The following AGBL4 variants were observed in gnomAD, a reference collection of about 807,000 sequenced individuals.
AGBL4 encodes the protein cytosolic carboxypeptidase 6.
AGBL4 carries 58 observed loss-of-function variants against 66.4 expected under a neutral mutation model. The observed-to-expected ratio is 0.87, with a 90% CI of 0.71 to 1.09. AGBL4 has a LOEUF of 1.09. Ranked by LOEUF, AGBL4 falls within the 50% of genes least tolerant of loss-of-function variation. The probability of loss-of-function intolerance (pLI) is 0.00; values close to 1 mark genes in which losing one functional copy is unlikely to be tolerated. For synonymous variants in AGBL4, 234 were observed against 222.9 expected, an observed-to-expected ratio of 1.05 and a Z score of -0.44; for missense variants, 579 against 631.0, an observed-to-expected ratio of 0.92 and a Z score of 0.88.
intron 3 of AGBL4, among the ~76,000 whole-genome samples, chr1:49,592,210 GA>G (rs1245201239): frequency 1.3e-5 from 2 of 151,732 alleles, no homozygotes; most frequent in Non-Finnish European, 2.9e-5. Flanking sequence ...CTAACATCCA[GA>G]ATCTCCAAGG....
Position 49,951,912 on chromosome 1 carries a change from T to C in AGBL4, c.34+71851A>G, listed in dbSNP as rs577191913. On this transcript the variant is annotated intron_variant, in intron 1 of 13. Coordinates refer to ENST00000371839, the MANE Select transcript of AGBL4 (RefSeq NM_032785.4). ...GCTACCTTATATTGAGTAGAATGTA[T>C]ATGGAAATAAAAAGCTGAATTTCAG... 2.0e-5 allele frequency among the ~76,000 whole-genome samples: 3 copies of C among 151,782 alleles called. No individual in the cohort carries two copies. In the East Asian group the frequency reaches 5.8e-4, roughly 29 times the overall value.
chr1:49,476,631 G>T (rs912684155), intron 3 of AGBL4, among the ~76,000 whole-genome samples: 2 of 152,004 alleles, frequency 1.3e-5, no homozygotes, highest in African/African-American at 2.4e-5. Flanking sequence ...TCTTCTTGTT[G>T]AATTGAACAC....
At position 50,002,512 on chromosome 1, in the gene AGBL4, G is replaced by T. The variant is rs971087745; in HGVS notation, c.34+21251C>A. Among the ~76,000 whole-genome samples, 8 of 151,438 alleles carry T rather than the reference G, an allele frequency of 5.3e-5. No individual in the cohort carries two copies. In the East Asian group the frequency reaches 9.7e-4, roughly 18 times the overall value. ...AGCCTCCCGAGTAGCTGGGACTACAGGCGCCCGCCACCACGCCCGGCTAAT... is the reference window on the plus strand; with the variant it reads ...AGCCTCCCGAGTAGCTGGGACTACATGCGCCCGCCACCACGCCCGGCTAAT... On this transcript the variant is annotated intron_variant, in intron 1 of 13. Transcript: ENST00000371839.
chr1:49,414,679 A>G (rs1570660341), intron 3 of AGBL4, among the ~76,000 whole-genome samples: 1 of 152,158 alleles, frequency 6.6e-6, no homozygotes, highest in Non-Finnish European at 1.5e-5. Context: ...AGCCATGAAG[A>G]ATGTAGGGGG....
chr1:49,787,621 T>C (rs922019748), intron 2 of AGBL4, among the ~76,000 whole-genome samples: 1 of 152,082 alleles, frequency 6.6e-6, no homozygotes, highest in Non-Finnish European at 1.5e-5. Context: ...GATAGGTCAC[T>C]AGAAAGACTC....
intron 3 of AGBL4, among the ~76,000 whole-genome samples, chr1:49,520,357 A>G (rs1215278520): frequency 6.6e-6 from 1 of 152,096 alleles, no homozygotes; most frequent in Non-Finnish European, 1.5e-5. Flanking sequence ...GTAAAAATTA[A>G]ATACCTACAA....
chr1:49,865,502 C>G (rs1478090869), intron 1 of AGBL4, among the ~76,000 whole-genome samples: 3 of 152,090 alleles, frequency 2.0e-5, no homozygotes. Flanking sequence ...ACCACAGCAG[C>G]CCTATGGGAG....
chr1:48,931,911 C>T (rs1221610755), intron 5 of AGBL4, among the ~76,000 whole-genome samples: 1 of 152,140 alleles, frequency 6.6e-6, no homozygotes, highest in African/African-American at 2.4e-5. Context: ...ACCTTCCTTT[C>T]CTCCTGGCTC....
chr1:49,158,839 T>C (rs973783328), intron 4 of AGBL4, among the ~76,000 whole-genome samples: 16 of 151,632 alleles, frequency 1.1e-4, no homozygotes, highest in African/African-American at 3.6e-4. Flanking sequence ...TTGTCTCTTT[T>C]GGTCTTTGTT....
At chr1:49,934,734 C>G (rs1259646213) in intron 1 of AGBL4, among the ~76,000 whole-genome samples, 1 of 151,656 alleles carries the variant, frequency 6.6e-6, no homozygotes, top group Non-Finnish European at 1.5e-5. Flanking sequence ...TAACTGTACA[C>G]CTCAAGAGAC....
At chr1:49,739,252 A>G (rs1650190983) in intron 2 of AGBL4, among the ~76,000 whole-genome samples, 1 of 152,238 alleles carries the variant, frequency 6.6e-6, no homozygotes. Context: ...GAACTACATG[A>G]GGAATGCACA....
At chr1:48,673,110 C>T (rs1000812082) in intron 6 of AGBL4, among the ~76,000 whole-genome samples, 1 of 152,160 alleles carries the variant, frequency 6.6e-6, no homozygotes, top group Admixed American at 6.5e-5. Flanking sequence ...GATTCCCCAG[C>T]TATACTAAAG....
intron 4 of AGBL4, among the ~76,000 whole-genome samples, chr1:49,201,259 T>C (rs1647676646): frequency 6.6e-6 from 1 of 152,196 alleles, no homozygotes; most frequent in South Asian, 2.1e-4. Flanking sequence ...CTGCATCCCC[T>C]GTTAACTTTC....
chr1:49,814,667 T>C (rs1011263834), intron 2 of AGBL4, among the ~76,000 whole-genome samples: 2 of 152,106 alleles, frequency 1.3e-5, no homozygotes, highest in African/African-American at 4.8e-5. Context: ...CTTTTCCTGT[T>C]CCTCCCATCT....
At chr1:49,134,659 C>T (rs1645972676) in intron 4 of AGBL4, among the ~76,000 whole-genome samples, 2 of 151,674 alleles carry the variant, frequency 1.3e-5, no homozygotes, top group Admixed American at 6.6e-5. Context: ...GTTCCCTGAA[C>T]GTTGCTGTTA....
At chr1:49,948,688 G>C (rs1655790276) in intron 1 of AGBL4, among the ~76,000 whole-genome samples, 1 of 149,336 alleles carries the variant, frequency 6.7e-6, no homozygotes, top group South Asian at 2.1e-4. Flanking sequence ...AGAAATCATA[G>C]ATGACACAAA....
chr1:48,627,396 A>G lies in AGBL4; in HGVS notation c.951+7097T>C, dbSNP rs77773596. Among the ~76,000 whole-genome samples, 1,343 of 151,610 alleles carry G rather than the reference A, an allele frequency of 8.9e-3. 22 individuals carry two copies. The highest frequency in any genetic ancestry group is 0.032 in the African/African-American group (1,305 of 41,316). ...ATGTATGTGTTTTCTGCATATGGCT[A>G]TGTTGCGTGCTTGTGTGTGTGTATC... On this transcript the variant is annotated intron_variant, in intron 9 of 13. Coordinates refer to ENST00000371839, the MANE Select transcript of AGBL4 (RefSeq NM_032785.4).
intron 4 of AGBL4, among the ~76,000 whole-genome samples, chr1:49,072,889 T>C (rs1205123029): frequency 6.6e-6 from 1 of 152,246 alleles, no homozygotes; most frequent in Non-Finnish European, 1.5e-5. Flanking sequence ...CAATCAAACG[T>C]AGATTTGGTC....
chr1:49,631,971 C>G (rs1645578264), intron 3 of AGBL4, among the ~76,000 whole-genome samples: 2 of 152,102 alleles, frequency 1.3e-5, no homozygotes, highest in African/African-American at 4.8e-5. Context: ...TCCAGGGGAG[C>G]AGAATTCTGG....
Sources: gnomAD v4.1 joint callset for allele counts (sites outside exome capture counted in the v4.1 genomes callset) on GRCh38, gnomAD v4.1.1 for gene constraint, MANE v1.5 for transcripts, NCBI Gene and HGNC (gene_info 2026-07-23, HGNC 2026-07-21) for gene names.